The following FIG4 variants were observed in gnomAD, a reference collection of about 807,000 sequenced individuals.
FIG4 encodes the protein FIG4 phosphoinositide 5-phosphatase.
Under a neutral mutation model 118.6 loss-of-function variants are expected in FIG4, and 112 were observed. That is an observed-to-expected ratio of 0.94 (90% CI 0.81 to 1.11). FIG4 has a LOEUF of 1.11. Among genes scored for constraint, FIG4 ranks in the 50% least tolerant of loss-of-function variants. FIG4 has a pLI of 0.00. For synonymous variants in FIG4, 369 were observed against 381.2 expected, an observed-to-expected ratio of 0.97 and a Z score of 0.37; for missense variants, 969 against 1,111.7, an observed-to-expected ratio of 0.87 and a Z score of 1.83.
In FIG4 at chr6:109,699,169, T is replaced by C. The variant is rs144188367; in HGVS notation, c.66+7668T>C. Among the ~76,000 whole-genome samples the C allele has an allele frequency of 1.2e-4, 19 of 152,328 alleles. No homozygotes were observed. The East Asian group carries it at 2.9e-3, about 23-fold the overall frequency. ...ATAACAGATATAGGGCTATACACATTTTCAGTGGACCTAGAATCAGTTTTG... is the reference window on the plus strand; with the variant it reads ...ATAACAGATATAGGGCTATACACATCTTCAGTGGACCTAGAATCAGTTTTG... On this transcript the variant is annotated intron_variant, in intron 1 of 22. Coordinates refer to ENST00000230124, the MANE Select transcript of FIG4 (RefSeq NM_014845.6).
At chr6:109,820,737 C>T (rs192201392) in intron 22 of FIG4, among the ~76,000 whole-genome samples, 3 of 152,186 alleles carry the variant, frequency 2.0e-5, no homozygotes, top group African/African-American at 7.2e-5. Flanking sequence ...CTCTCTGAAT[C>T]CTCACACAAA....
At chr6:109,778,801 G>A (rs1007659994) in intron 16 of FIG4, among the ~76,000 whole-genome samples, 27 of 152,154 alleles carry the variant, frequency 1.8e-4, no homozygotes, top group East Asian at 5.8e-4. Context: ...GGGTTTCACT[G>A]TGTTAGCTAG....
chr6:109,731,303 G>A (rs538311660), intron 4 of FIG4, among the ~76,000 whole-genome samples: 8 of 152,234 alleles, frequency 5.3e-5, no homozygotes, highest in South Asian at 4.2e-4. Flanking sequence ...GAAAATGCAC[G>A]TTATCTATAG....
At chr6:109,694,288 C>T (rs938809345) in intron 1 of FIG4, among the ~76,000 whole-genome samples, 9 of 152,132 alleles carry the variant, frequency 5.9e-5, no homozygotes, top group East Asian at 3.8e-4. Context: ...GTTCCAATAA[C>T]GGAACACTAG....
intron 17 of FIG4, among the ~76,000 whole-genome samples, 179 bp downstream of exon 17, chr6:109,785,207 G>A (rs551690994): frequency 6.6e-6 from 1 of 152,222 alleles, no homozygotes; most frequent in Admixed American, 6.5e-5. Context: ...GCTTTTTAAA[G>A]GGCAGGAATT....
intron 1 of FIG4, among the ~76,000 whole-genome samples, chr6:109,697,756 T>A (rs1490856694): frequency 1.3e-5 from 2 of 152,232 alleles, no homozygotes; most frequent in African/African-American, 4.8e-5. Context: ...TAAAGTTCAC[T>A]TTTGTCTGTA....
At chr6:109,714,337 T>C (rs1292432209) in intron 1 of FIG4, among the ~76,000 whole-genome samples, 1 of 152,192 alleles carries the variant, frequency 6.6e-6, no homozygotes, top group Non-Finnish European at 1.5e-5. Flanking sequence ...TCCACCACTC[T>C]CAGTGCCTTC....
intron 9 of FIG4, 119 bp downstream of exon 9, chr6:109,743,391 G>A: frequency 4.2e-6 from 4 of 942,700 alleles, no homozygotes; most frequent in Non-Finnish European, 6.8e-6. Flanking sequence ...CTGGAAGGTA[G>A]ATAATTTAGA....
At chr6:109,797,152 G>A (rs1778311224) in intron 22 of FIG4, among the ~76,000 whole-genome samples, 1 of 152,156 alleles carries the variant, frequency 6.6e-6, no homozygotes, top group Non-Finnish European at 1.5e-5. Flanking sequence ...CTCTGATCCT[G>A]GAGACATGCT....
chr6:109,707,683 T>C (rs2128379699), intron 1 of FIG4, among the ~76,000 whole-genome samples: 1 of 152,082 alleles, frequency 6.6e-6, no homozygotes, highest in East Asian at 1.9e-4. Flanking sequence ...TCTACATGCT[T>C]CATTTTGGCC....
At chr6:109,739,669 A>G (rs1776265332) in intron 7 of FIG4, among the ~76,000 whole-genome samples, 1 of 152,124 alleles carries the variant, frequency 6.6e-6, no homozygotes. Context: ...TGTCCAGCGC[A>G]CTGTGAGGCC....
intron 16 of FIG4, among the ~76,000 whole-genome samples, chr6:109,781,838 A>G (rs937079191): frequency 2.7e-5 from 4 of 148,364 alleles, no homozygotes; most frequent in African/African-American, 4.9e-5. Context: ...TGAGTACAGT[A>G]GGGTAAATGG....
intron 10 of FIG4, among the ~76,000 whole-genome samples, chr6:109,754,259 T>C (rs1247642204): frequency 1.3e-5 from 2 of 152,330 alleles, no homozygotes; most frequent in Non-Finnish European, 2.9e-5. Context: ...TTTGTGTATA[T>C]TGAACCAGCC....
intron 8 of FIG4, among the ~76,000 whole-genome samples, chr6:109,742,908 T>A (rs1776367022): frequency 6.6e-6 from 1 of 152,146 alleles, no homozygotes; most frequent in Non-Finnish European, 1.5e-5. Flanking sequence ...CTGCTACTTT[T>A]AATTGCCTTC....
chr6:109,709,851 A>G (rs1181712569), intron 1 of FIG4, among the ~76,000 whole-genome samples: 1 of 152,184 alleles, frequency 6.6e-6, no homozygotes, highest in Admixed American at 6.5e-5. Context: ...CAGCTTAAGA[A>G]CCTTTGGGCT....
intron 16 of FIG4, among the ~76,000 whole-genome samples, chr6:109,778,599 G>A (rs1354084129): frequency 6.6e-6 from 1 of 151,452 alleles, no homozygotes. Context: ...TTTTTTGTTT[G>A]TTTGTTTGTT....
chr6:109,789,753 AACT>A, intron 19 of FIG4, 76 bp downstream of exon 19: 1 of 983,530 alleles, frequency 1.0e-6, no homozygotes, highest in South Asian at 1.3e-5. Flanking sequence ...TTCCACCAAA[AACT>A]AATAACTTCA....
intron 3 of FIG4, among the ~76,000 whole-genome samples, chr6:109,719,540 C>T (rs573018893): frequency 8.6e-5 from 13 of 152,020 alleles, no homozygotes; most frequent in South Asian, 4.2e-4. Flanking sequence ...TATGCCGCCA[C>T]GCCCGGCTAA....
At chr6:109,801,801 T>A (rs1015144871) in intron 22 of FIG4, among the ~76,000 whole-genome samples, 1 of 152,212 alleles carries the variant, frequency 6.6e-6, no homozygotes, top group African/African-American at 2.4e-5. Flanking sequence ...TTCATGATGT[T>A]AATTTTCAAT....
Sources: allele counts gnomAD v4.1 joint callset (sites outside exome capture counted in the v4.1 genomes callset), GRCh38; gene constraint gnomAD v4.1.1; transcripts MANE v1.5; gene names NCBI Gene and HGNC (gene_info 2026-07-23, HGNC 2026-07-21).